HDGFL3: variants seen among roughly 807,000 people sequenced by gnomAD.
HDGFL3 encodes HDGF like 3.
A neutral mutation model predicts 27.6 loss-of-function variants in HDGFL3; 6 were observed. The ratio of observed to expected loss-of-function variants is 0.22; its 90% CI spans 0.12 to 0.43. The LOEUF (loss-of-function observed/expected upper bound fraction) is 0.43. Among genes scored for constraint, HDGFL3 ranks in the 20% least tolerant of loss-of-function variants. HDGFL3 has a pLI of 1.00. For synonymous variants in HDGFL3, 88 were observed against 88.9 expected, an observed-to-expected ratio of 0.99 and a Z score of 0.05; for missense variants, 207 against 250.1, an observed-to-expected ratio of 0.83 and a Z score of 1.16.
chr15:83,173,363 G>A (rs1277442032), intron 1 of HDGFL3, among the ~76,000 whole-genome samples: 3 of 152,196 alleles, frequency 2.0e-5, no homozygotes, highest in African/African-American at 7.2e-5. Flanking sequence ...GCTAATGTAA[G>A]TGTTCTCAGC....
chr15:83,121,732 T>C (rs893131444), intron 3 of HDGFL3, among the ~76,000 whole-genome samples: 5 of 152,246 alleles, frequency 3.3e-5, no homozygotes, highest in Non-Finnish European at 7.3e-5. Flanking sequence ...GAAGGTTCTA[T>C]AGTATATCAC....
intron 3 of HDGFL3, among the ~76,000 whole-genome samples, chr15:83,116,858 T>C (rs945659974): frequency 2.6e-5 from 4 of 152,292 alleles, no homozygotes; most frequent in Non-Finnish European, 5.9e-5. Context: ...TGATTCCTGC[T>C]TTGGAATTTG....
In HDGFL3 at chr15:83,200,785, A is replaced by G. The variant is rs114389207; in HGVS notation, c.84+6546T>C. ...GTCTGATTCTCTTTCTCTTCATTGCAGGACTTCCTCAGAAATCTGGAGGAT... is the reference window on the plus strand; with the variant it reads ...GTCTGATTCTCTTTCTCTTCATTGCGGGACTTCCTCAGAAATCTGGAGGAT... On this transcript the variant is annotated intron_variant, in intron 1 of 5. Transcript: ENST00000299633. Among the ~76,000 whole-genome samples the G allele has an allele frequency of 9.2e-3, 1,399 of 152,006 alleles. 18 individuals are homozygous for G. The highest frequency in any genetic ancestry group is 0.032 in the African/African-American group (1,328 of 41,460).
At chr15:83,187,863 G>C (rs1292605478) in intron 1 of HDGFL3, among the ~76,000 whole-genome samples, 1 of 148,892 alleles carries the variant, frequency 6.7e-6, no homozygotes, top group Non-Finnish European at 1.5e-5. Context: ...CTCTGGCCTG[G>C]GCAACAAGAG....
At chr15:83,195,451 G>A (rs1160537287) in intron 1 of HDGFL3, among the ~76,000 whole-genome samples, 2 of 151,628 alleles carry the variant, frequency 1.3e-5, no homozygotes, top group Admixed American at 6.6e-5. Flanking sequence ...TATTGTCATC[G>A]AGATCTACAT....
In HDGFL3 at chr15:83,149,853, T is replaced by G. The variant is rs183202396; in HGVS notation, c.606+1362A>C. On this transcript the variant is annotated intron_variant, in intron 5 of 5. Transcript: ENST00000299633. ...TTATAGGCAGAGGGGAAGGAGCCAG[T>G]GGAAAAGAAGATGTGGTATAGAAGA... is the stretch of plus-strand genomic sequence containing the variant. 2.0e-5 allele frequency among the ~76,000 whole-genome samples: 3 copies of G among 152,056 alleles called. No homozygotes were observed. In the East Asian group the frequency reaches 5.8e-4, roughly 29 times the overall value.
At position 83,133,280 on chromosome 15, in the gene HDGFL3, C is replaced by T. The variant is rs1008914934; in HGVS notation, c.*5990G>A. The T allele has an allele frequency of 3.9e-5, 6 of 152,242 alleles. No homozygotes were observed. The highest frequency in any genetic ancestry group is 1.4e-4 in the African/African-American group (6 of 41,458). The allele number at this position is 152,242 out of a possible 1,614,324, so 9.4% of individuals were successfully genotyped here. A position where few individuals can be genotyped will look rare whatever the true frequency, so the allele number is the denominator to read the frequency against. On this transcript the variant is annotated 3_prime_UTR_variant, in exon 6 of 6. Coordinates refer to ENST00000299633, the MANE Select transcript of HDGFL3 (RefSeq NM_016073.4). ...TGTATTAGCAAAAGACCCTGGCTAT[C>T]ATCCCAATGGTCACCTAAGTTTTCT... is the stretch of plus-strand genomic sequence containing the variant.
At chr15:83,202,774 G>A (rs796187492) in intron 1 of HDGFL3, among the ~76,000 whole-genome samples, 5 of 152,172 alleles carry the variant, frequency 3.3e-5, no homozygotes, top group African/African-American at 1.2e-4. Flanking sequence ...CATTTCCAGT[G>A]CCTTCTCCTA....
rs2036378784 is a variant in HDGFL3 at position 83,133,252 on chromosome 15, T to C, written c.*6018A>G. 1 of 152,246 alleles carries C rather than the reference T, an allele frequency of 6.6e-6. No individual in the cohort carries two copies. Among genetic ancestry groups the C allele is most frequent in the Non-Finnish European group, 1.5e-5 (1 of 68,040 alleles). The allele number at this position is 152,246 out of a possible 1,614,324, so 9.4% of individuals were successfully genotyped here. ...AACACAGTTCTAGATTAGCTATTTA[T>C]ACTGTATTAGCAAAAGACCCTGGCT... is the stretch of plus-strand genomic sequence containing the variant. On this transcript the variant is annotated 3_prime_UTR_variant, in exon 6 of 6. Transcript: ENST00000299633.
intron 5 of HDGFL3, among the ~76,000 whole-genome samples, chr15:83,148,504 C>G (rs2036927048): frequency 6.6e-6 from 1 of 152,062 alleles, no homozygotes; most frequent in South Asian, 2.1e-4. Context: ...TGCCTGTAGT[C>G]CCAGCTACTT....
chr15:83,200,134 G>GA (rs2037624556), intron 1 of HDGFL3, among the ~76,000 whole-genome samples: 1 of 151,238 alleles, frequency 6.6e-6, no homozygotes, highest in Non-Finnish European at 1.5e-5. Context: ...ACGAGGTCAG[G>GA]AGATTGAGAC....
intron 1 of HDGFL3, chr15:83,179,867 T>A (rs2037357996): frequency 2.0e-5 from 3 of 152,222 alleles, no homozygotes; most frequent in South Asian, 2.1e-4. Flanking sequence ...ATAATAAATA[T>A]CCCTTGAATG....
chr15:83,126,924 G>A (rs2035808864), downstream of HDGFL3: 1 of 1,161,060 alleles, frequency 8.6e-7, no homozygotes, highest in Non-Finnish European at 1.3e-6. Context: ...TGGGTGCGGT[G>A]GCTCACGCCT....
intron 4 of HDGFL3, among the ~76,000 whole-genome samples, chr15:83,155,881 ATCTTGCTTTCAGTTTC>A (rs2037023144): frequency 6.6e-6 from 1 of 152,182 alleles, no homozygotes; most frequent in South Asian, 2.1e-4. Flanking sequence ...GGATCCATTT[ATCTTGCTTTCAGTTTC>A]TAAAAGGTGA....
At chr15:83,182,719 G>A (rs918996462) in intron 1 of HDGFL3, among the ~76,000 whole-genome samples, 3 of 152,092 alleles carry the variant, frequency 2.0e-5, no homozygotes, top group African/African-American at 7.2e-5. Flanking sequence ...TAACACTTAA[G>A]ATCTATGCAT....
chr15:83,173,627 T>C (rs1173429497), intron 1 of HDGFL3, among the ~76,000 whole-genome samples: 3 of 152,192 alleles, frequency 2.0e-5, no homozygotes, highest in African/African-American at 7.2e-5. Context: ...TCTCATCTAC[T>C]CTGAAATTAT....
exon 4 of HDGFL3, chr15:83,113,118 T>A (rs867700474): frequency 1.7e-6 from 1 of 577,372 alleles, no homozygotes; most frequent in Non-Finnish European, 3.1e-6. Flanking sequence ...GGTGGAGAGT[T>A]ACTGCCAGGC....
chr15:83,137,971 T>A lies in HDGFL3; in HGVS notation c.*1299A>T, dbSNP rs1180023032. On this transcript the variant is annotated 3_prime_UTR_variant, in exon 6 of 6. Coordinates refer to ENST00000299633, the MANE Select transcript of HDGFL3 (RefSeq NM_016073.4). ...CATCTCCCCATCATCCCCTACAGTG[T>A]TTTCAAATAATCTAAAACCCAGAGA... 6.6e-6 allele frequency: 1 copy of A among 151,710 alleles called. No individual in the cohort carries two copies. The highest frequency in any genetic ancestry group is 1.5e-5 in the Non-Finnish European group (1 of 67,902). 9.4% of individuals were successfully genotyped at this position (151,710 alleles called of 1,614,324 possible).
At chr15:83,204,001 C>A (rs2037684253) in intron 1 of HDGFL3, among the ~76,000 whole-genome samples, 1 of 138,796 alleles carries the variant, frequency 7.2e-6, no homozygotes, top group Non-Finnish European at 1.6e-5. Context: ...ATTTTTAAAG[C>A]CACACAAAAT....
Sources: gnomAD v4.1 joint callset for allele counts (sites outside exome capture counted in the v4.1 genomes callset) on GRCh38, gnomAD v4.1.1 for gene constraint, MANE v1.5 for transcripts, NCBI Gene and HGNC (gene_info 2026-07-23, HGNC 2026-07-21) for gene names.